The following STX7 variants were observed in gnomAD, a reference collection of about 807,000 sequenced individuals.
The protein encoded by STX7 is syntaxin-7.
A neutral mutation model predicts 39.6 loss-of-function variants in STX7; 34 were observed. The observed-to-expected ratio is 0.86, with a 90% confidence interval of 0.65 to 1.14. The LOEUF (loss-of-function observed/expected upper bound fraction) is 1.14, where lower values mean the gene tolerates loss of function less well. Among genes scored for constraint, STX7 ranks in the 50% most tolerant of loss-of-function variants. The pLI, the probability that STX7 is intolerant of heterozygous loss-of-function variation, is 0.00. For synonymous variants in STX7, 119 were observed against 99.1 expected (o/e 1.20, Z -1.19); for missense variants, 284 against 310.4 (o/e 0.92, Z 0.64).
chr6:132,509,450 A>T (rs1469909557), intron 1 of STX7, among the ~76,000 whole-genome samples: 1 of 25,406 alleles, frequency 3.9e-5, no homozygotes, highest in Admixed American at 4.0e-4. Flanking sequence ...GACTCGTCTC[A>T]AAATAACATA....
Position 132,456,438 on chromosome 6 carries a change from T to C in STX7, c.*4320A>G, listed in dbSNP as rs923782257. On this transcript the variant is annotated 3_prime_UTR_variant, in exon 10 of 10. Coordinates refer to ENST00000367941, the MANE Select transcript of STX7 (RefSeq NM_003569.3). ...CCTGAGGGCAGGAAGCTTATTCTTT[T>C]GGTTCACTCTTAGAACACTATGCCC... The C allele has an allele frequency of 2.0e-5, 3 of 152,202 alleles. No homozygotes were observed. The highest frequency in any genetic ancestry group is 2.9e-5 in the Non-Finnish European group (2 of 68,046). The allele number at this position is 152,202 out of a possible 1,614,324, so 9.4% of individuals were successfully genotyped here.
chr6:132,500,084 G>A (rs1288243005), intron 2 of STX7, among the ~76,000 whole-genome samples: 2 of 152,060 alleles, frequency 1.3e-5, no homozygotes, highest in Non-Finnish European at 2.9e-5. Flanking sequence ...CCATCACCCT[G>A]GTGCAAGCCA....
At position 132,460,527 on chromosome 6, in the gene STX7, A is replaced by C. The variant is rs533544305; in HGVS notation, c.*231T>G. The C allele has an allele frequency of 2.8e-6, 1 of 352,530 alleles. No individual in the cohort carries two copies. The highest frequency in any genetic ancestry group is 5.1e-6 in the Non-Finnish European group (1 of 195,820). The allele number at this position is 352,530 out of a possible 1,614,324, so 21.8% of individuals were successfully genotyped here. A position where few individuals can be genotyped will look rare whatever the true frequency, so the allele number is the denominator to read the frequency against. On this transcript the variant is annotated 3_prime_UTR_variant, in exon 10 of 10. Transcript: ENST00000367941. ...GTGGGCAAAAACTTAACAACTATTA[A>C]ATTGAAGACCAAGGGAGTTATGTCA...
intron 2 of STX7, among the ~76,000 whole-genome samples, chr6:132,490,199 T>G (rs1775244028): frequency 6.6e-6 from 1 of 152,208 alleles, no homozygotes; most frequent in Non-Finnish European, 1.5e-5. Flanking sequence ...CTGACACATC[T>G]TTTGCCCATC....
At position 132,451,674 on chromosome 6, in the gene STX7, A is replaced by G. The variant is rs966892273; in HGVS notation, c.*9084T>C. The G allele has an allele frequency of 2.0e-5, 3 of 152,228 alleles. No individual in the cohort carries two copies. Among genetic ancestry groups the G allele is most frequent in the African/African-American group, 7.2e-5 (3 of 41,456 alleles). 9.4% of individuals were successfully genotyped at this position (152,228 alleles called of 1,614,324 possible). A position where few individuals can be genotyped will look rare whatever the true frequency, so the allele number is the denominator to read the frequency against. Reference sequence around the variant, plus strand: ...CAAAAACTCTACATATAAATCTGAGAGCTTAGATGAAATGGACTAATTCAT... The same window carrying G: ...CAAAAACTCTACATATAAATCTGAGGGCTTAGATGAAATGGACTAATTCAT... On this transcript the variant is annotated 3_prime_UTR_variant, in exon 10 of 10. Transcript: ENST00000367941.
rs1774356091 is a variant in STX7 at position 132,460,270 on chromosome 6, A to G, written c.*488T>C. On this transcript the variant is annotated 3_prime_UTR_variant, in exon 10 of 10. Coordinates refer to ENST00000367941, the MANE Select transcript of STX7 (RefSeq NM_003569.3). ...TGAAAGACACTTTGTGCTGTTGTGA[A>G]CCAGAAAAATACAACCCATGTATAG... 6.6e-6 allele frequency: 1 copy of G among 152,278 alleles called. No individual in the cohort carries two copies. The highest frequency in any genetic ancestry group is 2.1e-4 in the South Asian group (1 of 4,834). The allele number at this position is 152,278 out of a possible 1,614,324, so 9.4% of individuals were successfully genotyped here. A position where few individuals can be genotyped will look rare whatever the true frequency, so the allele number is the denominator to read the frequency against.
chr6:132,490,131 CA>C (rs1775241030), intron 2 of STX7, among the ~76,000 whole-genome samples: 1 of 152,326 alleles, frequency 6.6e-6, no homozygotes, highest in Non-Finnish European at 1.5e-5. Flanking sequence ...GTGTAAGAAG[CA>C]AACAGGAAAG....
chr6:132,466,916 C>T (rs1296063894), intron 8 of STX7, among the ~76,000 whole-genome samples: 1 of 152,192 alleles, frequency 6.6e-6, no homozygotes, highest in Non-Finnish European at 1.5e-5. Context: ...CACACTCATA[C>T]CCAGCCAGTC....
At position 132,459,561 on chromosome 6, in the gene STX7, G is replaced by T. The variant is rs1774334813; in HGVS notation, c.*1197C>A. The T allele has an allele frequency of 6.6e-6, 1 of 151,898 alleles. No homozygotes were observed. Among genetic ancestry groups the T allele is most frequent in the African/African-American group, 2.4e-5 (1 of 41,410 alleles). The allele number at this position is 151,898 out of a possible 1,614,324, so 9.4% of individuals were successfully genotyped here. ...TGGTTGCAAAGATGTGGTTTACTTA[G>T]CTACTTACTATTTGTTCCCATTTGA... On this transcript the variant is annotated 3_prime_UTR_variant, in exon 10 of 10. Transcript: ENST00000367941.
intron 2 of STX7, among the ~76,000 whole-genome samples, chr6:132,489,200 TAAAAAAAAAAA>T (rs745673648): frequency 4.3e-4 from 36 of 83,192 alleles, no homozygotes; most frequent in Middle Eastern, 6.8e-3. Context: ...GACTCTGTCT[TAAAAAAAAAAA>T]AAAAAAAAAA....
At chr6:132,490,221 C>T (rs7772758) in intron 2 of STX7, among the ~76,000 whole-genome samples, 3,556 of 152,294 alleles carry the variant, frequency 0.023, 128 homozygotes, top group African/African-American at 0.08. Context: ...TGATGAGCTT[C>T]CTTCCTGTCA....
intron 4 of STX7, 150 bp downstream of exon 4, chr6:132,472,132 T>G: frequency 1.6e-6 from 1 of 620,224 alleles, no homozygotes; most frequent in South Asian, 2.6e-5. Flanking sequence ...TAAATATAGT[T>G]TTGTGTTCTG....
Position 132,471,464 on chromosome 6 carries a change from G to A in STX7, c.386C>T (p.Ser129Phe), listed in dbSNP as rs1774718568. The A allele has an allele frequency of 6.2e-7, 1 of 1,612,698 alleles. No individual in the cohort carries two copies. The highest frequency in any genetic ancestry group is 1.3e-5 in the African/African-American group (1 of 74,964). The change falls in exon 5 of 10, where the codon TCT (serine) becomes TTT (phenylalanine). Residue 129 changes from serine to phenylalanine, a missense_variant and splice_region_variant. Ser to Phe is a radical substitution (Grantham distance 155, BLOSUM62 -2). Transcript: ENST00000367941. ...VARVRASSRV[S>F]GSFPEDSSKE... ...TAGAATGTCTTTTAAAATACTTACAGACACTCTGGAACTGGCTCTTACTCG... is the reference window on the plus strand; with the variant it reads ...TAGAATGTCTTTTAAAATACTTACAAACACTCTGGAACTGGCTCTTACTCG...
rs1774285991 is a variant in STX7 at position 132,457,952 on chromosome 6, C to T, written c.*2806G>A. On this transcript the variant is annotated 3_prime_UTR_variant, in exon 10 of 10. Transcript: ENST00000367941. Reference sequence around the variant, plus strand: ...ACGTAAGTTTTATATTTTATTATGACATTCATTTTTTCTACATGAAGACAC... The same window carrying T: ...ACGTAAGTTTTATATTTTATTATGATATTCATTTTTTCTACATGAAGACAC... The T allele has an allele frequency of 6.6e-6, 1 of 152,074 alleles. No individual in the cohort carries two copies. The highest frequency in any genetic ancestry group is 2.4e-5 in the African/African-American group (1 of 41,394). The allele number at this position is 152,074 out of a possible 1,614,324, so 9.4% of individuals were successfully genotyped here.
In STX7 at chr6:132,447,106, A is replaced by G. The variant is rs1171269987; in HGVS notation, c.*13652T>C. ...AATAATTCCGTATCTCCTAAGATAC[A>G]TTGGTTAAAAAGATACTAATAAGTT... is the stretch of plus-strand genomic sequence containing the variant. On this transcript the variant is annotated 3_prime_UTR_variant, in exon 10 of 10. Transcript: ENST00000367941. The G allele has an allele frequency of 1.3e-5, 2 of 152,208 alleles. No individual in the cohort carries two copies. The highest frequency in any genetic ancestry group is 4.8e-5 in the African/African-American group (2 of 41,460). 9.4% of individuals were successfully genotyped at this position (152,208 alleles called of 1,614,324 possible).
chr6:132,487,061 T>C (rs1775155022), intron 2 of STX7, among the ~76,000 whole-genome samples: 1 of 152,232 alleles, frequency 6.6e-6, no homozygotes, highest in African/African-American at 2.4e-5. Flanking sequence ...TTGGAACAGT[T>C]TGTGTACAAT....
chr6:132,486,467 T>C (rs1004881459), intron 2 of STX7, among the ~76,000 whole-genome samples: 4 of 152,160 alleles, frequency 2.6e-5, no homozygotes, highest in African/African-American at 7.2e-5. Flanking sequence ...GATGATTATA[T>C]AGGTTTTCTT....
rs1194774253 is a variant in STX7, at chr6:132,502,406, A to C, written c.85+1040T>G. ...AATGCCCCGAGGGCCAAACCCTGAG[A>C]GCAAGACTAGAATCACCCAAGGTAT... On this transcript the variant is annotated intron_variant, in intron 2 of 9. Transcript: ENST00000367941. 3.3e-5 allele frequency among the ~76,000 whole-genome samples: 5 copies of C among 152,360 alleles called. No individual in the cohort carries two copies. In the East Asian group the frequency reaches 9.6e-4, roughly 29 times the overall value.
In STX7 at chr6:132,503,411, T is replaced by C. The variant is rs758788255; in HGVS notation, c.85+35A>G. ...TCCACCAAGTTCAGTTAAGAGTGGA[T>C]ACAAATAGTGAAGTCCATTTAAAAC... On this transcript the variant is annotated intron_variant, in intron 2 of 9. Coordinates refer to ENST00000367941, the MANE Select transcript of STX7 (RefSeq NM_003569.3). 4 of 1,564,634 alleles carry C rather than the reference T, an allele frequency of 2.6e-6. No homozygotes were observed. In the South Asian group the frequency reaches 3.3e-5, roughly 13 times the overall value.
Sources: gnomAD v4.1 joint callset for allele counts (sites outside exome capture counted in the v4.1 genomes callset) on GRCh38, gnomAD v4.1.1 for gene constraint, MANE v1.5 for transcripts, NCBI Gene and HGNC (gene_info 2026-07-23, HGNC 2026-07-21) for gene names.